The following SOD2 variants were observed in gnomAD, a reference collection of about 807,000 sequenced individuals.
SOD2 encodes superoxide dismutase [Mn], mitochondrial.
A neutral mutation model predicts 27.0 loss-of-function variants in SOD2; 11 were observed. The ratio of observed to expected loss-of-function variants is 0.41; its 90% CI spans 0.26 to 0.67. The LOEUF is 0.67. Ranked by LOEUF, SOD2 falls within the 30% of genes least tolerant of loss-of-function variation. SOD2 has a pLI of 0.34. For synonymous variants in SOD2, 105 were observed against 103.0 expected, an observed-to-expected ratio of 1.02 and a Z score of -0.12; for missense variants, 250 against 274.5, an observed-to-expected ratio of 0.91 and a Z score of 0.63.
chr6:159,756,650 C>T (rs917658614), intron 1 of SOD2, among the ~76,000 whole-genome samples: 1 of 128,130 alleles, frequency 7.8e-6, no homozygotes, highest in African/African-American at 2.9e-5. Context: ...CACTTAGGCT[C>T]AAGTGCAGTG....
chr6:159,716,673 A>G (rs1777926497), intron 1 of SOD2, among the ~76,000 whole-genome samples: 1 of 152,166 alleles, frequency 6.6e-6, no homozygotes, highest in African/African-American at 2.4e-5. Context: ...GCAGTATTGA[A>G]AATATAGAAA....
At chr6:159,757,893 G>C (rs1780048047) in intron 1 of SOD2, among the ~76,000 whole-genome samples, 1 of 152,200 alleles carries the variant, frequency 6.6e-6, no homozygotes, top group Non-Finnish European at 1.5e-5. Context: ...TTGGTGTAAT[G>C]TAATCAAGAG....
In SOD2 at chr6:159,689,929, C is replaced by T. The variant is rs144476073; in HGVS notation, c.227-1687G>A. On this transcript the variant is annotated intron_variant, in intron 2 of 4. Transcript: ENST00000538183. The stretch of plus-strand genomic sequence containing the variant: ...GAACCAAGAACACGCCACTGCACTC[C>T]AGCCTGGGCGACAGGGCAATACTCC... Among the ~76,000 whole-genome samples, 6 of 150,392 alleles carry T rather than the reference C, an allele frequency of 4.0e-5. No individual in the cohort carries two copies. In the East Asian group the frequency reaches 1.2e-3, roughly 29 times the overall value.
At chr6:159,757,761 A>AT (rs1780045319) in intron 1 of SOD2, among the ~76,000 whole-genome samples, 1 of 152,072 alleles carries the variant, frequency 6.6e-6, no homozygotes, top group African/African-American at 2.4e-5. Context: ...ATCCTATACG[A>AT]TTTTTAATTT....
chr6:159,692,819 C>A lies in SOD2; in HGVS notation c.68G>T (p.Arg23Met), dbSNP rs753223739. The change falls in exon 2 of 5, where the codon AGG becomes ATG. Residue 23 changes from arginine (R) to methionine (M), a missense_variant. By Grantham distance (91) the Arg-to-Met change is moderately conservative (BLOSUM62 -1). Transcript: ENST00000538183. The stretch of plus-strand genomic sequence containing the variant: ...CAGGTCGGGGAGGCTGTGCTTCTGC[C>A]TGGAGCCCAGATACCCCAAAACCGG... Reference protein sequence around the residue: ...LAPVLGYLGSRQKHSLPDLPY... With the variant: ...LAPVLGYLGSMQKHSLPDLPY... The A allele has an allele frequency of 1.2e-6, 2 of 1,613,654 alleles. No homozygotes were observed. Among genetic ancestry groups the A allele is most frequent in the African/African-American group, 2.7e-5 (2 of 75,028 alleles).
chr6:159,683,880 A>G (rs1780065929), intron 4 of SOD2, among the ~76,000 whole-genome samples: 2 of 152,234 alleles, frequency 1.3e-5, no homozygotes, highest in Admixed American at 1.3e-4. Context: ...TGAGCCACAG[A>G]TCAAGAGTAT....
At chr6:159,689,136 G>T (rs867288197) in intron 2 of SOD2, among the ~76,000 whole-genome samples, 5 of 152,194 alleles carry the variant, frequency 3.3e-5, no homozygotes, top group Middle Eastern at 3.2e-3. Context: ...CATTGAGCAC[G>T]TGCTCACGCA....
At chr6:159,742,930 G>C (rs1779351696) in intron 1 of SOD2, among the ~76,000 whole-genome samples, 1 of 152,168 alleles carries the variant, frequency 6.6e-6, no homozygotes, top group Non-Finnish European at 1.5e-5. Context: ...TAGAGCCCGG[G>C]AGGTCAAGGC....
intron 1 of SOD2, among the ~76,000 whole-genome samples, chr6:159,757,538 G>T (rs1780041349): frequency 6.6e-6 from 1 of 151,382 alleles, no homozygotes; most frequent in Admixed American, 6.6e-5. Flanking sequence ...TCAGACTCCT[G>T]AGTAGCTGGG....
intron 1 of SOD2, among the ~76,000 whole-genome samples, chr6:159,733,471 A>T (rs1346180607): frequency 2.0e-5 from 3 of 152,080 alleles, no homozygotes; most frequent in African/African-American, 7.2e-5. Context: ...AATTACAAAA[A>T]ATTAACTGGG....
At chr6:159,711,614 CCA>C in intron 1 of SOD2, among the ~76,000 whole-genome samples, 1 of 131,822 alleles carries the variant, frequency 7.6e-6, no homozygotes, top group African/African-American at 2.7e-5. Flanking sequence ...TCCATAACCA[CCA>C]CTCAGCTGCT....
rs561361290 is a variant in SOD2, at chr6:159,687,604, CAT to C, written c.343+520_343+521del. On this transcript the variant is annotated intron_variant, in intron 3 of 4. Coordinates refer to ENST00000538183, the MANE Select transcript of SOD2 (RefSeq NM_000636.4). ...TTGGCGTGAACATAAAATCTTATGACATAACCCCATGAAAGCATTCTCCATTC... is the reference window on the plus strand; with the variant it reads ...TTGGCGTGAACATAAAATCTTATGACAACCCCATGAAAGCATTCTCCATTC... Among the ~76,000 whole-genome samples the C allele has an allele frequency of 4.2e-3, 636 of 152,288 alleles. 6 individuals carry two copies. The highest frequency in any genetic ancestry group is 0.015 in the African/African-American group (611 of 41,548).
At chr6:159,711,617 CT>C (rs1262522972) in intron 1 of SOD2, among the ~76,000 whole-genome samples, 1 of 129,560 alleles carries the variant, frequency 7.7e-6, no homozygotes, top group African/African-American at 2.8e-5. Context: ...ATAACCACCA[CT>C]CAGCTGCTCT....
chr6:159,723,061 T>C (rs890093141), intron 1 of SOD2, among the ~76,000 whole-genome samples: 1 of 152,224 alleles, frequency 6.6e-6, no homozygotes, highest in South Asian at 2.1e-4. Context: ...GGCATACCTG[T>C]GAAACCTTTC....
chr6:159,706,050 T>C (rs889229935), intron 1 of SOD2, among the ~76,000 whole-genome samples: 1 of 151,856 alleles, frequency 6.6e-6, no homozygotes, highest in Non-Finnish European at 1.5e-5. Context: ...TAAAATCCTT[T>C]ACAAACAAGC....
rs1779670220 is a variant in SOD2 at position 159,671,776 on chromosome 6, A to C, written c.*10717T>G. On this transcript the variant is annotated 3_prime_UTR_variant, in exon 5 of 5. Transcript: ENST00000538183. ...TGACGAGTTGAGAGAAGAAGGCTTCAGATGATCAAACTTCTCCAAGCTAAA... is the reference window on the plus strand; with the variant it reads ...TGACGAGTTGAGAGAAGAAGGCTTCCGATGATCAAACTTCTCCAAGCTAAA... The C allele has an allele frequency of 6.6e-6, 1 of 152,224 alleles. No homozygotes were observed. Among genetic ancestry groups the C allele is most frequent in the Non-Finnish European group, 1.5e-5 (1 of 68,036 alleles). 9.4% of individuals were successfully genotyped at this position (152,224 alleles called of 1,614,324 possible).
At chr6:159,742,151 G>GT (rs1779294808) in intron 1 of SOD2, 1 of 1,601,508 alleles carries the variant, frequency 6.2e-7, no homozygotes, top group Non-Finnish European at 8.5e-7. Flanking sequence ...TTAACTGTAA[G>GT]TTTGAGTTTT....
intron 1 of SOD2, chr6:159,713,356 CCTGGCCTATCA>C: frequency 1.5e-6 from 1 of 653,716 alleles, no homozygotes. Context: ...TCAGCCAGCC[CCTGGCCTATCA>C]CTGGGACCTG....
chr6:159,688,985 C>T (rs1042196108), intron 2 of SOD2, among the ~76,000 whole-genome samples: 4 of 152,226 alleles, frequency 2.6e-5, no homozygotes, highest in African/African-American at 7.2e-5. Flanking sequence ...TTTCTCACTG[C>T]ACTGGTGCCA....
Sources: allele counts gnomAD v4.1 joint callset (sites outside exome capture counted in the v4.1 genomes callset), GRCh38; gene constraint gnomAD v4.1.1; transcripts MANE v1.5; gene names NCBI Gene and HGNC (gene_info 2026-07-23, HGNC 2026-07-21).